The following NSF variants were observed in gnomAD, a reference collection of about 807,000 sequenced individuals.
NSF encodes vesicle-fusing ATPase.
Under a neutral mutation model 50.3 loss-of-function variants are expected in NSF, and 14 were observed. That is an observed-to-expected ratio of 0.28 (90% CI 0.18 to 0.44). The LOEUF (loss-of-function observed/expected upper bound fraction) is 0.44, where lower values mean the gene tolerates loss of function less well. NSF is among the 20% of genes least tolerant of loss of function. The probability of loss-of-function intolerance (pLI) is 1.00; values close to 1 mark genes in which losing one functional copy is unlikely to be tolerated. For missense variants in NSF, 218 were observed against 504.3 expected (o/e 0.43, Z 5.44); for synonymous variants, 109 against 175.7 (o/e 0.62, Z 3.00).
rs928592660 is a variant in NSF at position 46,756,458 on chromosome 17, C to T, written c.*635C>T. On this transcript the variant is annotated 3_prime_UTR_variant, in exon 21 of 21. Coordinates refer to ENST00000398238, the MANE Select transcript of NSF (RefSeq NM_006178.4). ...TCTTTCTTAATAGAAAGTCAGATGACTACCGTGTTGGTTGTGACTTCCCCT... is the reference window on the plus strand; with the variant it reads ...TCTTTCTTAATAGAAAGTCAGATGATTACCGTGTTGGTTGTGACTTCCCCT... 2 of 152,236 alleles carry T rather than the reference C, an allele frequency of 1.3e-5. No individual in the cohort carries two copies. Among genetic ancestry groups the T allele is most frequent in the Non-Finnish European group, 2.9e-5 (2 of 68,054 alleles). 9.4% of individuals were successfully genotyped at this position (152,236 alleles called of 1,614,324 possible).
intron 18 of NSF, among the ~76,000 whole-genome samples, 160 bp downstream of exon 18, chr17:46,750,067 A>ACTATC (rs2059166993): frequency 6.6e-6 from 1 of 152,176 alleles, no homozygotes; most frequent in Non-Finnish European, 1.5e-5. Context: ...AATGCCTGGG[A>ACTATC]CTAGGCCAGG....
At chr17:46,635,777 A>ATTGTG (rs575728163) in intron 4 of NSF, among the ~76,000 whole-genome samples, 1 of 116,704 alleles carries the variant, frequency 8.6e-6, no homozygotes, top group Admixed American at 8.7e-5. Context: ...GGGAAAATAA[A>ATTGTG]TGTGTGTGTG....
chr17:46,751,628 C>G lies in NSF; in HGVS notation c.2157+12C>G. ...AGATGTCCCTACAGGTAAGGTACTT[C>G]GTTCTCCGTATGACTCAGACAGAAC... On this transcript the variant is annotated intron_variant, in intron 19 of 20. Transcript: ENST00000398238. 1 of 1,541,040 alleles carries G rather than the reference C, an allele frequency of 6.5e-7. No homozygotes were observed. Among genetic ancestry groups the G allele is most frequent in the East Asian group, 2.2e-5 (1 of 44,570 alleles).
chr17:46,749,745 T>G (rs755469754), intron 17 of NSF, 28 bp from the exon 18 acceptor site: 1 of 1,602,108 alleles, frequency 6.2e-7, no homozygotes, highest in Non-Finnish European at 8.5e-7. Flanking sequence ...ATTATGTACA[T>G]TTTAACACAT....
chr17:46,716,576 T>C (rs1233398396), intron 15 of NSF, among the ~76,000 whole-genome samples: 1 of 152,112 alleles, frequency 6.6e-6, no homozygotes, highest in Admixed American at 6.6e-5. Flanking sequence ...ATTTTTAGTG[T>C]GAGGATGGAA....
chr17:46,708,108 G>C (rs1247355711), intron 13 of NSF, among the ~76,000 whole-genome samples: 2 of 151,960 alleles, frequency 1.3e-5, no homozygotes, highest in African/African-American at 4.8e-5. Context: ...TGGCAGCCAG[G>C]CTTCTGCCAC....
intron 15 of NSF, among the ~76,000 whole-genome samples, chr17:46,716,138 A>C (rs2058766415): frequency 6.6e-6 from 1 of 152,210 alleles, no homozygotes; most frequent in Admixed American, 6.5e-5. Flanking sequence ...AGGTTGACAA[A>C]AGCCTGAGGG....
intron 2 of NSF, among the ~76,000 whole-genome samples, chr17:46,625,879 TAAAAAAAAAAAA>T (rs147622864): frequency 1.7e-5 from 1 of 59,036 alleles, no homozygotes; most frequent in African/African-American, 7.5e-5. Flanking sequence ...CCACATGTAT[TAAAAAAAAAAAA>T]AAAAAAAAAA....
chr17:46,755,456 A>G (rs1289247668), intron 20 of NSF, 87 bp downstream of exon 20: 2 of 1,142,378 alleles, frequency 1.8e-6, no homozygotes, highest in Non-Finnish European at 1.3e-6. Context: ...GCTTTCCTAG[A>G]TAAGTTTGTT....
chr17:46,735,157 T>G (rs1568053592), intron 17 of NSF, among the ~76,000 whole-genome samples: 2 of 152,228 alleles, frequency 1.3e-5, no homozygotes, highest in African/African-American at 2.4e-5. Context: ...TGTTTTGGTT[T>G]TGGTAGAGCA....
chr17:46,745,101 G>A (rs1170734859), intron 17 of NSF, among the ~76,000 whole-genome samples: 3 of 152,070 alleles, frequency 2.0e-5, no homozygotes, highest in Non-Finnish European at 4.4e-5. Flanking sequence ...TAAGACTGGT[G>A]GCCACACATT....
At chr17:46,610,102 TC>T in intron 1 of NSF, among the ~76,000 whole-genome samples, 1 of 38,948 alleles carries the variant, frequency 2.6e-5, no homozygotes, top group African/African-American at 2.1e-4. Flanking sequence ...TCTCTCTTTC[TC>T]TCTCTCTCTC....
chr17:46,723,009 A>G (rs1291319618), intron 15 of NSF, among the ~76,000 whole-genome samples: 4 of 152,140 alleles, frequency 2.6e-5, no homozygotes, highest in African/African-American at 4.8e-5. Flanking sequence ...TTTCCTCTCA[A>G]ATGTTATGTG....
chr17:46,714,130 G>A, intron 15 of NSF, 144 bp downstream of exon 15: 1 of 774,330 alleles, frequency 1.3e-6, no homozygotes, highest in Middle Eastern at 3.9e-4. Flanking sequence ...AGCAGAATAT[G>A]GGGGAAGCAG....
intron 13 of NSF, among the ~76,000 whole-genome samples, chr17:46,709,439 C>CT (rs2058695763): frequency 6.6e-6 from 1 of 151,528 alleles, no homozygotes; most frequent in Non-Finnish European, 1.5e-5. Flanking sequence ...AAAGCTTCTG[C>CT]TGTGAGGCTT....
intron 2 of NSF, among the ~76,000 whole-genome samples, chr17:46,626,056 C>A (rs2058096111): frequency 6.9e-6 from 1 of 145,712 alleles, no homozygotes; most frequent in Non-Finnish European, 1.5e-5. Context: ...TTTTTTAAAA[C>A]AGTAAATATT....
chr17:46,751,744 C>T, intron 19 of NSF, 128 bp downstream of exon 19: 1 of 573,708 alleles, frequency 1.7e-6, no homozygotes, highest in Non-Finnish European at 3.0e-6. Context: ...TATTTCCAAA[C>T]TTAATTTGGT....
In NSF at chr17:46,756,701, C is replaced by T. The variant is rs2059237585; in HGVS notation, c.*878C>T. The T allele has an allele frequency of 6.6e-6, 1 of 152,614 alleles. No individual in the cohort carries two copies. Among genetic ancestry groups the T allele is most frequent in the African/African-American group, 2.4e-5 (1 of 41,438 alleles). The allele number at this position is 152,614 out of a possible 1,614,324, so 9.5% of individuals were successfully genotyped here. Reference sequence around the variant, plus strand: ...ATATTAAGGCTTACTAGTATCACTGCTTTTTCCTTAGCTTAATGACTTACT... The same window carrying T: ...ATATTAAGGCTTACTAGTATCACTGTTTTTTCCTTAGCTTAATGACTTACT... On this transcript the variant is annotated 3_prime_UTR_variant, in exon 21 of 21. Transcript: ENST00000398238.
chr17:46,720,354 C>T (rs1264407228), intron 15 of NSF, among the ~76,000 whole-genome samples: 2 of 152,104 alleles, frequency 1.3e-5, no homozygotes, highest in South Asian at 2.1e-4. Context: ...TGGTGCAGAA[C>T]TTTCAGACCT....
Sources: gnomAD v4.1 joint callset for allele counts (sites outside exome capture counted in the v4.1 genomes callset) on GRCh38, gnomAD v4.1.1 for gene constraint, MANE v1.5 for transcripts, NCBI Gene and HGNC (gene_info 2026-07-23, HGNC 2026-07-21) for gene names.